The following NRXN3 variants were observed in gnomAD, a reference collection of about 807,000 sequenced individuals.
NRXN3 encodes neurexin III.
Under a neutral mutation model 137.6 loss-of-function variants are expected in NRXN3, and 32 were observed. The observed-to-expected ratio is 0.23, with a 90% CI of 0.18 to 0.31. The LOEUF is 0.31. Among genes scored for constraint, NRXN3 ranks in the 10% least tolerant of loss-of-function variants. NRXN3 has a pLI of 1.00. For missense variants in NRXN3, 1,574 were observed against 2,062.5 expected, an observed-to-expected ratio of 0.76 and a Z score of 4.59; for synonymous variants, 798 against 784.5, an observed-to-expected ratio of 1.02 and a Z score of -0.29.
intron 15 of NRXN3, among the ~76,000 whole-genome samples, chr14:79,233,645 AT>A: frequency 6.6e-6 from 1 of 151,044 alleles, no homozygotes; most frequent in Non-Finnish European, 1.5e-5. Flanking sequence ...TGGTCCAGAC[AT>A]TTTTACTCTA....
rs552409192 is a variant in NRXN3 at position 79,434,817 on chromosome 14, C to T, written c.3263-32404C>T. On this transcript the variant is annotated intron_variant, in intron 15 of 20. Coordinates refer to ENST00000335750, the MANE Select transcript of NRXN3 (RefSeq NM_001330195.2). ...AAGCCTCAGCCAGTCCCACGGTGAG[C>T]TCTGAAGTTAGGTTGTCCCTTCTGA... Among the ~76,000 whole-genome samples, 3 of 152,296 alleles carry T rather than the reference C, an allele frequency of 2.0e-5. No homozygotes were observed. In the South Asian group the frequency reaches 6.2e-4, roughly 32 times the overall value.
chr14:78,986,849 T>C (rs1276452650), intron 14 of NRXN3, among the ~76,000 whole-genome samples: 1 of 151,572 alleles, frequency 6.6e-6, no homozygotes, highest in Non-Finnish European at 1.5e-5. Flanking sequence ...GGTGAAACCC[T>C]GTCTCTACTA....
At chr14:79,498,937 A>G (rs909309785) in intron 16 of NRXN3, among the ~76,000 whole-genome samples, 2 of 152,262 alleles carry the variant, frequency 1.3e-5, no homozygotes, top group Non-Finnish European at 2.9e-5. Context: ...GGCACACACC[A>G]TTATGCCCAG....
chr14:79,558,789 T>C (rs2097458065), intron 16 of NRXN3, among the ~76,000 whole-genome samples: 1 of 152,274 alleles, frequency 6.6e-6, no homozygotes, highest in Non-Finnish European at 1.5e-5. Context: ...AGCCCAAGAC[T>C]ACACCTTCGT....
chr14:78,821,198 G>A (rs1596213549), intron 10 of NRXN3, among the ~76,000 whole-genome samples: 2 of 152,140 alleles, frequency 1.3e-5, no homozygotes. Context: ...ATGAATAGGA[G>A]TGGAATGAAA....
intron 8 of NRXN3, among the ~76,000 whole-genome samples, chr14:78,778,762 T>A (rs1404523193): frequency 0.026 from 399 of 15,364 alleles, 3 homozygotes; most frequent in African/African-American, 0.083. Context: ...TTCTTTCTCT[T>A]TCTTTCTTTC....
chr14:79,041,971 T>G (rs565419464), intron 15 of NRXN3, among the ~76,000 whole-genome samples: 1 of 152,004 alleles, frequency 6.6e-6, no homozygotes, highest in Non-Finnish European at 1.5e-5. Context: ...ATGTGAGAGA[T>G]AGCCTGGAGA....
intron 3 of NRXN3, among the ~76,000 whole-genome samples, chr14:78,281,716 G>A (rs906544294): frequency 6.6e-6 from 1 of 152,178 alleles, no homozygotes; most frequent in Non-Finnish European, 1.5e-5. Flanking sequence ...CTCCATGTCA[G>A]CTCCTCCAGG....
intron 8 of NRXN3, among the ~76,000 whole-genome samples, chr14:78,719,073 A>G (rs2098447374): frequency 6.6e-6 from 1 of 152,240 alleles, no homozygotes; most frequent in African/African-American, 2.4e-5. Flanking sequence ...ATCAAGTTCC[A>G]GCAAGGCAAA....
At chr14:78,192,772 C>G (rs1274733315) in intron 1 of NRXN3, among the ~76,000 whole-genome samples, 1 of 152,186 alleles carries the variant, frequency 6.6e-6, no homozygotes, top group Non-Finnish European at 1.5e-5. Flanking sequence ...AACGCAAAAA[C>G]TGCACAAAGA....
At chr14:78,285,921 G>A (rs1197849479) in intron 3 of NRXN3, among the ~76,000 whole-genome samples, 2 of 152,090 alleles carry the variant, frequency 1.3e-5, no homozygotes, top group African/African-American at 4.8e-5. Context: ...GCCTGGCTGG[G>A]GCCCAGGAAG....
Position 79,384,171 on chromosome 14 carries a change from G to C in NRXN3, c.3263-83050G>C, listed in dbSNP as rs570961870. On this transcript the variant is annotated intron_variant, in intron 15 of 20. Transcript: ENST00000335750. ...TTTAACATATTTTTATAAAGCGGTAGTTGAATAGAGTATAAAATAGGAAAA... is the reference window on the plus strand; with the variant it reads ...TTTAACATATTTTTATAAAGCGGTACTTGAATAGAGTATAAAATAGGAAAA... 3.3e-5 allele frequency among the ~76,000 whole-genome samples: 5 copies of C among 152,210 alleles called. No individual in the cohort carries two copies. In the South Asian group the frequency reaches 1.0e-3, roughly 32 times the overall value.
At chr14:79,536,577 G>A (rs904563050) in intron 16 of NRXN3, among the ~76,000 whole-genome samples, 88 of 151,862 alleles carry the variant, frequency 5.8e-4, no homozygotes, top group African/African-American at 2.0e-3. Context: ...ATTAAGCCCT[G>A]CATGCATTAA....
intron 4 of NRXN3, among the ~76,000 whole-genome samples, chr14:78,400,282 C>A (rs2091927230): frequency 6.6e-6 from 1 of 152,134 alleles, no homozygotes; most frequent in South Asian, 2.1e-4. Context: ...ATACAGCAGG[C>A]AAAAGTCAGA....
At chr14:79,548,307 T>A (rs2097340778) in intron 16 of NRXN3, among the ~76,000 whole-genome samples, 1 of 152,134 alleles carries the variant, frequency 6.6e-6, no homozygotes, top group Non-Finnish European at 1.5e-5. Flanking sequence ...TCTGTTCCTG[T>A]GTTAGTTTGC....
At chr14:79,051,525 G>A (rs1281783321) in intron 15 of NRXN3, among the ~76,000 whole-genome samples, 1 of 152,186 alleles carries the variant, frequency 6.6e-6, no homozygotes, top group East Asian at 1.9e-4. Flanking sequence ...TTTAATTGAT[G>A]AGATACTAAA....
At chr14:78,939,983 A>C (rs1270972183) in intron 10 of NRXN3, among the ~76,000 whole-genome samples, 1 of 152,230 alleles carries the variant, frequency 6.6e-6, no homozygotes, top group Non-Finnish European at 1.5e-5. Context: ...TGCAGCAAAC[A>C]CACGTTGCAG....
chr14:79,277,042 G>A (rs189300066), intron 15 of NRXN3, among the ~76,000 whole-genome samples: 3 of 152,274 alleles, frequency 2.0e-5, no homozygotes, highest in Admixed American at 1.3e-4. Flanking sequence ...TCAGACACTG[G>A]AGAGTGCTGT....
intron 19 of NRXN3, among the ~76,000 whole-genome samples, chr14:79,750,672 T>A (rs893633248): frequency 6.6e-6 from 1 of 152,190 alleles, no homozygotes; most frequent in Non-Finnish European, 1.5e-5. Context: ...CAGGTTATAG[T>A]ATTCAATGCC....
Sources: allele counts gnomAD v4.1 joint callset (sites outside exome capture counted in the v4.1 genomes callset), GRCh38; gene constraint gnomAD v4.1.1; transcripts MANE v1.5; gene names NCBI Gene and HGNC (gene_info 2026-07-23, HGNC 2026-07-21).